The following TTC39C variants were observed in gnomAD, a reference collection of about 807,000 sequenced individuals.
The protein encoded by TTC39C is tetratricopeptide repeat domain 39C.
TTC39C carries 33 observed loss-of-function variants against 76.3 expected under a neutral mutation model. The ratio of observed to expected loss-of-function variants is 0.43; its 90% CI spans 0.33 to 0.58. The LOEUF is 0.58. TTC39C is among the 20% of genes least tolerant of loss of function. The pLI is 0.04. For synonymous variants in TTC39C, 254 were observed against 260.6 expected (o/e 0.97, Z 0.24); for missense variants, 595 against 701.4 (o/e 0.85, Z 1.71).
intron 1 of TTC39C, among the ~76,000 whole-genome samples, chr18:24,021,011 T>A (rs2083511464): frequency 6.6e-6 from 1 of 152,172 alleles, no homozygotes; most frequent in Non-Finnish European, 1.5e-5. Flanking sequence ...CCTAGACCTT[T>A]CACGCAGCCT....
chr18:24,112,691 CG>C (rs891240973), intron 6 of TTC39C, among the ~76,000 whole-genome samples: 6 of 151,904 alleles, frequency 3.9e-5, no homozygotes, highest in African/African-American at 7.3e-5. Context: ...ATGGGGGACA[CG>C]GGGGGGAACA....
Position 23,998,425 on chromosome 18 carries a change from C to T in TTC39C, c.-17+5387C>T, listed in dbSNP as rs2083285599. 2.0e-5 allele frequency among the ~76,000 whole-genome samples: 3 copies of T among 152,168 alleles called. No homozygotes were observed. The South Asian group carries it at 6.2e-4, about 32-fold the overall frequency. On this transcript the variant is annotated intron_variant, in intron 1 of 13. Transcript: ENST00000304621. ...GATCACTTGAGGCCATCCTGGCCAA[C>T]ATGGTGAGACCCCCATCTCTCTAAA...
At chr18:24,033,024 G>A (rs114161418) in intron 1 of TTC39C, among the ~76,000 whole-genome samples, 56 of 152,286 alleles carry the variant, frequency 3.7e-4, no homozygotes, top group African/African-American at 1.3e-3. Context: ...AGGTGAAGTC[G>A]AGTGGATCAC....
chr18:24,030,993 G>C (rs1415088579), intron 1 of TTC39C, among the ~76,000 whole-genome samples: 1 of 151,316 alleles, frequency 6.6e-6, no homozygotes, highest in Non-Finnish European at 1.5e-5. Flanking sequence ...GCCCAGGCTG[G>C]AGTGCAGTGG....
chr18:24,035,297 C>G (rs1260954233), intron 1 of TTC39C, among the ~76,000 whole-genome samples: 2 of 152,160 alleles, frequency 1.3e-5, no homozygotes, highest in Non-Finnish European at 2.9e-5. Context: ...CTTGGCCTTC[C>G]AAAACACTGC....
chr18:23,999,782 G>A (rs1599220756), intron 1 of TTC39C, among the ~76,000 whole-genome samples: 1 of 152,238 alleles, frequency 6.6e-6, no homozygotes, highest in Non-Finnish European at 1.5e-5. Context: ...AGCAGCCAGG[G>A]CCCAGCAGGC....
chr18:24,096,150 T>C (rs1161075575), intron 6 of TTC39C, among the ~76,000 whole-genome samples: 3 of 152,276 alleles, frequency 2.0e-5, no homozygotes, highest in Non-Finnish European at 4.4e-5. Context: ...ATTACCAAAA[T>C]GTGACACAGA....
intron 1 of TTC39C, among the ~76,000 whole-genome samples, chr18:24,059,175 A>C (rs1049927600): frequency 1.3e-5 from 2 of 152,028 alleles, no homozygotes; most frequent in Non-Finnish European, 2.9e-5. Flanking sequence ...TGATTTGGCT[A>C]TTCTAAATTA....
At chr18:24,090,194 A>G (rs1036217339) in intron 6 of TTC39C, among the ~76,000 whole-genome samples, 2 of 152,128 alleles carry the variant, frequency 1.3e-5, no homozygotes, top group African/African-American at 4.8e-5. Context: ...TTTCAATGTG[A>G]TAGCAAGTAC....
chr18:24,023,971 TATATATATACATATATATATATATATA>T lies in TTC39C; in HGVS notation c.167+8934_167+8960del, dbSNP rs2083555433. Among the ~76,000 whole-genome samples the T allele has an allele frequency of 1.9e-3, 26 of 13,488 alleles. 1 individual carries two copies. Among genetic ancestry groups the T allele is most frequent in the African/African-American group, 4.5e-3 (25 of 5,540 alleles). The allele number at this position is 13,488 out of a possible 152,430, so 8.8% of individuals were successfully genotyped here. ...GCATGTATATATATATATATATATA[TATATATATACATATATATATATATATA>T]TATATATATATATATATATTTTTTT... On this transcript the variant is annotated intron_variant, in intron 1 of 13. Transcript: ENST00000317571.
At chr18:24,046,356 T>C (rs1326025625) in intron 1 of TTC39C, among the ~76,000 whole-genome samples, 3 of 151,844 alleles carry the variant, frequency 2.0e-5, no homozygotes, top group African/African-American at 4.9e-5. Context: ...GACTAGACAT[T>C]TGGGATACTT....
At chr18:24,106,796 T>G (rs977384754) in intron 6 of TTC39C, among the ~76,000 whole-genome samples, 58 of 152,356 alleles carry the variant, frequency 3.8e-4, no homozygotes, top group Middle Eastern at 6.8e-3. Context: ...GCAAGTCTCC[T>G]GCCTCAGCCT....
upstream of TTC39C, among the ~76,000 whole-genome samples, chr18:24,010,023 T>C (rs2083383108): frequency 6.6e-6 from 1 of 152,190 alleles, no homozygotes; most frequent in Non-Finnish European, 1.5e-5. Flanking sequence ...GATCCACCTA[T>C]GAGCAGAAAA....
chr18:24,060,928 T>G (rs945411893), intron 1 of TTC39C, among the ~76,000 whole-genome samples: 1 of 152,216 alleles, frequency 6.6e-6, no homozygotes, highest in Admixed American at 6.5e-5. Flanking sequence ...TAAAGTCTCT[T>G]GGACTAGTTC....
intron 4 of TTC39C, among the ~76,000 whole-genome samples, chr18:24,078,403 C>T (rs1285371798): frequency 6.6e-6 from 1 of 152,226 alleles, no homozygotes; most frequent in East Asian, 1.9e-4. Flanking sequence ...GCTATGACTT[C>T]TTACAGCTAA....
chr18:24,075,180 TAAGAGAA>T lies in TTC39C; in HGVS notation c.461-5403_461-5397del, dbSNP rs1242340712. 1.2e-4 allele frequency among the ~76,000 whole-genome samples: 18 copies of T among 151,996 alleles called. No homozygotes were observed. The South Asian group carries it at 3.7e-3, about 32-fold the overall frequency. On this transcript the variant is annotated intron_variant, in intron 4 of 13. Coordinates refer to ENST00000317571, the MANE Select transcript of TTC39C (RefSeq NM_001135993.2). ...TGGGGGGAGTGGGGAGGGTTGGCAT[TAAGAGAA>T]ATACCTAATGTAAATGACAAGTTAA...
chr18:24,096,579 T>C (rs1377133326), intron 6 of TTC39C, among the ~76,000 whole-genome samples: 1 of 152,064 alleles, frequency 6.6e-6, no homozygotes, highest in East Asian at 1.9e-4. Context: ...TTTGCATGTA[T>C]GAGATGTACA....
chr18:24,045,380 C>T (rs1458884083), intron 1 of TTC39C, among the ~76,000 whole-genome samples: 1 of 151,926 alleles, frequency 6.6e-6, no homozygotes, highest in Non-Finnish European at 1.5e-5. Flanking sequence ...GTATAAGGCG[C>T]TCTGCTTTGA....
intron 1 of TTC39C, among the ~76,000 whole-genome samples, chr18:24,057,827 A>T (rs2084036134): frequency 6.6e-6 from 1 of 152,238 alleles, no homozygotes; most frequent in Non-Finnish European, 1.5e-5. Context: ...TACCCTAATG[A>T]ATATGAATTG....
Sources: allele counts gnomAD v4.1 joint callset (sites outside exome capture counted in the v4.1 genomes callset), GRCh38; gene constraint gnomAD v4.1.1; transcripts MANE v1.5; gene names NCBI Gene and HGNC (gene_info 2026-07-23, HGNC 2026-07-21).